COL4A1: variants seen among roughly 807,000 people sequenced by gnomAD.
The protein encoded by COL4A1 is collagen type IV alpha 1 chain.
COL4A1 carries 40 observed loss-of-function variants against 216.6 expected under a neutral mutation model. The observed-to-expected ratio is 0.18, with a 90% CI of 0.14 to 0.24. The LOEUF is 0.24. Ranked by LOEUF, COL4A1 falls within the 10% of genes least tolerant of loss-of-function variation. COL4A1 has a pLI of 1.00. For synonymous variants in COL4A1, 839 were observed against 810.7 expected, an observed-to-expected ratio of 1.03 and a Z score of -0.59; for missense variants, 1,628 against 2,196.8, an observed-to-expected ratio of 0.74 and a Z score of 5.18.
At chr13:110,216,663 T>A (rs893220945) in intron 2 of COL4A1, among the ~76,000 whole-genome samples, 2 of 152,202 alleles carry the variant, frequency 1.3e-5, no homozygotes, top group African/African-American at 4.8e-5. Context: ...AGTTTCTCAC[T>A]GAGTCAGCAC....
intron 2 of COL4A1, among the ~76,000 whole-genome samples, chr13:110,224,576 G>A (rs1880651512): frequency 6.6e-6 from 1 of 152,146 alleles, no homozygotes; most frequent in African/African-American, 2.4e-5. Context: ...GCCAGCCTCG[G>A]CCTCCCAAAG....
At chr13:110,258,380 A>C (rs532199459) in intron 1 of COL4A1, among the ~76,000 whole-genome samples, 1 of 152,292 alleles carries the variant, frequency 6.6e-6, no homozygotes, top group Admixed American at 6.5e-5. Context: ...TCTACTAAAA[A>C]AATACAAAAA....
chr13:110,241,117 G>C (rs1881546200), intron 2 of COL4A1, among the ~76,000 whole-genome samples: 2 of 152,180 alleles, frequency 1.3e-5, no homozygotes, highest in Admixed American at 1.3e-4. Context: ...TGATCCTCCT[G>C]CCTCAGCCTC....
intron 1 of COL4A1, among the ~76,000 whole-genome samples, chr13:110,286,044 C>T (rs922696123): frequency 2.0e-5 from 3 of 152,142 alleles, no homozygotes; most frequent in Non-Finnish European, 2.9e-5. Context: ...GGTGCAACAT[C>T]GGCTCCCTGA....
In COL4A1 at chr13:110,301,773, T is replaced by A. The variant is rs554687761; in HGVS notation, c.84+5171A>T. ...AACAGCTTCTGTGGAATGCAGAGAT[T>A]ATCCTTCCTTACAGTTACCAAAGCC... On this transcript the variant is annotated intron_variant, in intron 1 of 51. Transcript: ENST00000375820. Among the ~76,000 whole-genome samples, 3 of 152,238 alleles carry A rather than the reference T, an allele frequency of 2.0e-5. No homozygotes were observed. In the South Asian group the frequency reaches 6.2e-4, roughly 32 times the overall value.
At chr13:110,152,230 C>T (rs2138417280) in intron 51 of COL4A1, 104 bp downstream of exon 51, 1 of 1,533,626 alleles carries the variant, frequency 6.5e-7, no homozygotes, top group East Asian at 2.3e-5. Flanking sequence ...CATTGCTAAC[C>T]ATCTTTGAGA....
At chr13:110,238,776 T>C (rs61963295) in intron 2 of COL4A1, among the ~76,000 whole-genome samples, 30,010 of 152,146 alleles carry the variant, frequency 0.2, 3,403 homozygotes, top group African/African-American at 0.3. Context: ...AGGTCTTGTG[T>C]AAACTCTATT....
chr13:110,210,922 T>C (rs1879764522), intron 8 of COL4A1, among the ~76,000 whole-genome samples: 1 of 152,178 alleles, frequency 6.6e-6, no homozygotes, highest in African/African-American at 2.4e-5. Context: ...CTGCAGGTTT[T>C]GAGTTTGCCG....
intron 2 of COL4A1, among the ~76,000 whole-genome samples, chr13:110,214,534 C>T (rs747304845): frequency 1.5e-4 from 23 of 152,070 alleles, no homozygotes; most frequent in African/African-American, 2.4e-4. Context: ...GAAGATCTGC[C>T]CTCACCCAGG....
chr13:110,200,564 G>A (rs1045771872), intron 20 of COL4A1, among the ~76,000 whole-genome samples: 1 of 152,130 alleles, frequency 6.6e-6, no homozygotes, highest in African/African-American at 2.4e-5. Context: ...AAAGAGGGGG[G>A]CAGGCTGGCT....
chr13:110,226,578 AG>A (rs1339901918), intron 2 of COL4A1, among the ~76,000 whole-genome samples: 3 of 152,386 alleles, frequency 2.0e-5, no homozygotes, highest in African/African-American at 7.2e-5. Flanking sequence ...TACAATTGCC[AG>A]GTTAAAACTA....
chr13:110,201,332 A>AGGAAGGAGGG, intron 19 of COL4A1, 106 bp downstream of exon 19: 1 of 570,510 alleles, frequency 1.8e-6, no homozygotes, highest in South Asian at 1.9e-5. Flanking sequence ...AGGAGGAAGG[A>AGGAAGGAGGG]GGAGGAGGAA....
intron 1 of COL4A1, among the ~76,000 whole-genome samples, chr13:110,293,678 G>T (rs1884168898): frequency 6.6e-6 from 1 of 152,152 alleles, no homozygotes; most frequent in Non-Finnish European, 1.5e-5. Context: ...GAAGACAATT[G>T]CCAATTAAGG....
At chr13:110,158,377 G>T (rs746608546) in intron 49 of COL4A1, among the ~76,000 whole-genome samples, 1 of 152,150 alleles carries the variant, frequency 6.6e-6, no homozygotes, top group Non-Finnish European at 1.5e-5. Context: ...ATTGTCATCT[G>T]CCAGGAATTG....
At chr13:110,280,662 G>A (rs2139299752) in intron 1 of COL4A1, among the ~76,000 whole-genome samples, 1 of 152,318 alleles carries the variant, frequency 6.6e-6, no homozygotes, top group Non-Finnish European at 1.5e-5. Context: ...AATTTGGTGT[G>A]TTGGTTTTAT....
rs753229971 is a variant in COL4A1, at chr13:110,213,859, T to A, written c.235-33A>T. On this transcript the variant is annotated intron_variant, in intron 3 of 51. Transcript: ENST00000375820. ...AGAATAGAAATGCCATTGTCATTGA[T>A]CACCGCTATCTCAAGAATGCGGGCA... The A allele has an allele frequency of 1.9e-6, 3 of 1,613,972 alleles. No individual in the cohort carries two copies. The South Asian group carries it at 3.3e-5, about 18-fold the overall frequency.
In COL4A1 at chr13:110,186,581, G is replaced by A. The variant is rs770597654; in HGVS notation, c.1729-28C>T. The A allele has an allele frequency of 1.1e-5, 18 of 1,612,908 alleles. No individual in the cohort carries two copies. In the Admixed American group the frequency reaches 1.5e-4, roughly 13 times the overall value. On this transcript the variant is annotated intron_variant, in intron 25 of 51. Transcript: ENST00000375820. ...GATGTGAGAAGAAGAAAAAGACACC[G>A]TTATCAGAGACACACCAACACCCTG...
intron 1 of COL4A1, among the ~76,000 whole-genome samples, chr13:110,270,031 C>G (rs1001814122): frequency 6.6e-6 from 1 of 152,100 alleles, no homozygotes; most frequent in African/African-American, 2.4e-5. Context: ...TCCACGCACC[C>G]CCAGCCTTCA....
At chr13:110,248,493 T>C (rs1323254713) in intron 1 of COL4A1, among the ~76,000 whole-genome samples, 4 of 152,336 alleles carry the variant, frequency 2.6e-5, no homozygotes, top group South Asian at 2.1e-4. Flanking sequence ...CAAAACCCCA[T>C]TGACCTTCAT....
Sources: allele counts gnomAD v4.1 joint callset (sites outside exome capture counted in the v4.1 genomes callset), GRCh38; gene constraint gnomAD v4.1.1; transcripts MANE v1.5; gene names NCBI Gene and HGNC (gene_info 2026-07-23, HGNC 2026-07-21).